PLCB4: variants seen among roughly 807,000 people sequenced by gnomAD.
The protein encoded by PLCB4 is 1-phosphatidylinositol 4,5-bisphosphate phosphodiesterase beta-4.
Under a neutral mutation model 178.8 loss-of-function variants are expected in PLCB4, and 77 were observed. The ratio of observed to expected loss-of-function variants is 0.43; its 90% CI spans 0.36 to 0.52. The LOEUF is 0.52. PLCB4 is among the 20% of genes least tolerant of loss of function. The pLI is 0.00. For missense variants in PLCB4, 1,024 were observed against 1,453.4 expected (o/e 0.70, Z 4.80); for synonymous variants, 496 against 490.8 (o/e 1.01, Z -0.14).
intron 3 of PLCB4, among the ~76,000 whole-genome samples, chr20:9,295,555 T>C (rs1294461345): frequency 6.6e-6 from 1 of 152,150 alleles, no homozygotes; most frequent in East Asian, 1.9e-4. Flanking sequence ...AGAAATACTT[T>C]ATTTCAGAGG....
intron 28 of PLCB4, among the ~76,000 whole-genome samples, chr20:9,431,241 A>G (rs1206440642): frequency 6.6e-6 from 1 of 151,806 alleles, no homozygotes; most frequent in East Asian, 1.9e-4. Flanking sequence ...CTGTTGTCAC[A>G]TGGCCTTCTT....
chr20:9,167,754 G>C (rs757073816), intron 2 of PLCB4, among the ~76,000 whole-genome samples: 7 of 152,098 alleles, frequency 4.6e-5, no homozygotes, highest in Non-Finnish European at 8.8e-5. Flanking sequence ...CGAATAATTG[G>C]CTTTGAATAG....
At chr20:9,334,936 G>A (rs576872537) in intron 4 of PLCB4, among the ~76,000 whole-genome samples, 1 of 152,140 alleles carries the variant, frequency 6.6e-6, no homozygotes, top group Non-Finnish European at 1.5e-5. Flanking sequence ...ATTTAAGGAG[G>A]CCAAGGAAGT....
intron 3 of PLCB4, among the ~76,000 whole-genome samples, chr20:9,242,306 G>A (rs1233112800): frequency 6.6e-6 from 1 of 152,180 alleles, no homozygotes; most frequent in Non-Finnish European, 1.5e-5. Flanking sequence ...GAAGTTCAGA[G>A]AATAAAACAG....
intron 35 of PLCB4, among the ~76,000 whole-genome samples, chr20:9,464,608 C>A (rs577511053): frequency 6.6e-6 from 1 of 151,878 alleles, no homozygotes; most frequent in Non-Finnish European, 1.5e-5. Context: ...ATATCACCAC[C>A]GATCCCACAG....
chr20:9,158,702 A>G (rs2092833144), intron 2 of PLCB4, among the ~76,000 whole-genome samples: 1 of 152,104 alleles, frequency 6.6e-6, no homozygotes, highest in African/African-American at 2.4e-5. Flanking sequence ...AGTGAAAACC[A>G]TTTAGTGTTA....
intron 2 of PLCB4, among the ~76,000 whole-genome samples, chr20:9,124,134 G>T (rs1469602938): frequency 4.6e-5 from 7 of 152,078 alleles, no homozygotes; most frequent in Non-Finnish European, 7.4e-5. Context: ...TGCAAAAGCA[G>T]GTGACTGGCC....
intron 3 of PLCB4, among the ~76,000 whole-genome samples, chr20:9,249,063 A>G (rs1569017055): frequency 6.6e-6 from 1 of 152,004 alleles, no homozygotes. Flanking sequence ...TTACAATGTC[A>G]TCTCTCTGTT....
At chr20:9,147,352 A>C (rs1015115615) in intron 2 of PLCB4, among the ~76,000 whole-genome samples, 11 of 152,168 alleles carry the variant, frequency 7.2e-5, no homozygotes, top group Non-Finnish European at 1.3e-4. Flanking sequence ...CTAGTATTCC[A>C]AGGAATATGT....
chr20:9,402,166 C>T lies in PLCB4; in HGVS notation c.1611+576C>T, dbSNP rs192367153. The stretch of plus-strand genomic sequence containing the variant: ...CCCCCTGTAGTTTAGGGAAAGGGAT[C>T]GGAAACAGCAAACAAGCAAGTAGTC... On this transcript the variant is annotated intron_variant, in intron 20 of 39. Coordinates refer to ENST00000378473, the MANE Select transcript of PLCB4 (RefSeq NM_001377142.1). Among the ~76,000 whole-genome samples, 272 of 152,272 alleles carry T rather than the reference C, an allele frequency of 1.8e-3. 1 individual carries two copies. The highest frequency in any genetic ancestry group is 3.6e-3 in the Admixed American group (55 of 15,312).
chr20:9,459,812 T>TGGGG lies in PLCB4; in HGVS notation c.3248+4_3248+7dup, dbSNP rs2043282762. ...GCAGCTGAAACTGTCCCATGACAGG[T>TGGGG]GGGGGAATTGCCGTCTCCAGAGTAA... On this transcript the variant is annotated splice_region_variant and intron_variant, in intron 35 of 39. Transcript: ENST00000378473. The TGGGG allele has an allele frequency of 6.3e-7, 1 of 1,591,254 alleles. No homozygotes were observed. Among genetic ancestry groups the TGGGG allele is most frequent in the Non-Finnish European group, 8.6e-7 (1 of 1,161,640 alleles).
intron 25 of PLCB4, among the ~76,000 whole-genome samples, chr20:9,411,680 G>C (rs924620600): frequency 6.6e-6 from 1 of 151,228 alleles, no homozygotes; most frequent in Non-Finnish European, 1.5e-5. Flanking sequence ...CAGAAACACT[G>C]AAAGGTTAAA....
intron 36 of PLCB4, among the ~76,000 whole-genome samples, chr20:9,468,976 C>CT (rs1401750299): frequency 6.9e-6 from 1 of 145,914 alleles, no homozygotes; most frequent in Admixed American, 6.9e-5. Context: ...TTATTTTATT[C>CT]ATTTTTTTTT....
At chr20:9,173,903 C>A (rs1600892965) in intron 2 of PLCB4, among the ~76,000 whole-genome samples, 1 of 152,256 alleles carries the variant, frequency 6.6e-6, no homozygotes, top group African/African-American at 2.4e-5. Flanking sequence ...CAGGCTGTGA[C>A]CTCTACAGTG....
chr20:9,271,317 A>G (rs538307722), intron 3 of PLCB4, among the ~76,000 whole-genome samples: 58 of 152,304 alleles, frequency 3.8e-4, no homozygotes, highest in African/African-American at 1.3e-3. Flanking sequence ...TACCCCAGAC[A>G]TTCTGCATAT....
At chr20:9,230,752 T>A (rs2093923142) in intron 3 of PLCB4, among the ~76,000 whole-genome samples, 2 of 152,056 alleles carry the variant, frequency 1.3e-5, no homozygotes, top group Non-Finnish European at 2.9e-5. Context: ...TCTCCATGTG[T>A]CTCTTGCTTT....
intron 4 of PLCB4, among the ~76,000 whole-genome samples, chr20:9,326,892 C>A (rs1191253475): frequency 6.6e-6 from 1 of 152,138 alleles, no homozygotes; most frequent in African/African-American, 2.4e-5. Context: ...TGGAAATAGA[C>A]ATGCACTAAT....
At chr20:9,431,628 G>A (rs1438512913) in intron 28 of PLCB4, among the ~76,000 whole-genome samples, 1 of 148,202 alleles carries the variant, frequency 6.7e-6, no homozygotes, top group East Asian at 2.0e-4. Context: ...ACCACACGGG[G>A]CCAATTTGTG....
intron 2 of PLCB4, among the ~76,000 whole-genome samples, chr20:9,209,957 CTG>C (rs1482209029): frequency 9.4e-6 from 1 of 106,424 alleles, no homozygotes; most frequent in African/African-American, 4.1e-5. Context: ...GAGCAAGACT[CTG>C]TCTCAAAAAA....
Sources: allele counts gnomAD v4.1 joint callset (sites outside exome capture counted in the v4.1 genomes callset), GRCh38; gene constraint gnomAD v4.1.1; transcripts MANE v1.5; gene names NCBI Gene and HGNC (gene_info 2026-07-23, HGNC 2026-07-21).